Variants in LRRC37A observed in about 807,000 individuals in gnomAD.
LRRC37A encodes the protein leucine rich repeat containing 37A, also known as leucine-rich repeat-containing protein 37A.
LRRC37A carries 3 observed loss-of-function variants against 35.4 expected under a neutral mutation model. The observed-to-expected ratio is 0.08, with a 90% CI of 0.04 to 0.22. The LOEUF is 0.22. Ranked by LOEUF, LRRC37A falls within the 10% of genes least tolerant of loss-of-function variation. The pLI is 1.00. For missense variants in LRRC37A, 67 were observed against 565.3 expected, an observed-to-expected ratio of 0.12 and a Z score of 8.94; for synonymous variants, 23 against 215.0, an observed-to-expected ratio of 0.11 and a Z score of 7.81.
At chr17:46,285,322 C>T in the LRRC37A span, among the ~76,000 whole-genome samples, 3 of 151,006 alleles carry the variant, frequency 2.0e-5, no homozygotes, top group East Asian at 1.9e-4. Context: ...CTCACTGCAA[C>T]CTCTGCTTCC....
chr17:46,290,685 G>T (rs1177533913), upstream of LRRC37A, among the ~76,000 whole-genome samples: 1 of 152,220 alleles, frequency 6.6e-6, no homozygotes, highest in East Asian at 1.9e-4. Flanking sequence ...GACCTCAAGT[G>T]ATCGTTTCAC....
At chr17:46,259,440 C>A in the LRRC37A span, 2 of 1,090,064 alleles carry the variant, frequency 1.8e-6, no homozygotes, top group Non-Finnish European at 2.7e-6. Context: ...TGGGCCCATG[C>A]CCCTCCCCAC....
At chr17:46,256,525 T>C in the LRRC37A span, among the ~76,000 whole-genome samples, 1 of 152,190 alleles carries the variant, frequency 6.6e-6, no homozygotes, top group South Asian at 2.1e-4. Flanking sequence ...CACCCAATTG[T>C]GCTATCACCC....
the LRRC37A span, among the ~76,000 whole-genome samples, chr17:46,282,395 A>G: frequency 6.7e-6 from 1 of 149,622 alleles, no homozygotes; most frequent in Non-Finnish European, 1.5e-5. Context: ...GATCCACCGC[A>G]CCTGGCCTCA....
At chr17:46,251,005 C>T in the LRRC37A span, among the ~76,000 whole-genome samples, 1 of 152,206 alleles carries the variant, frequency 6.6e-6, no homozygotes, top group Non-Finnish European at 1.5e-5. Context: ...CTCACTGCTT[C>T]TCAGCCTCCT....
the LRRC37A span, among the ~76,000 whole-genome samples, chr17:46,263,854 CAAAAAAAA>C: frequency 2.1e-5 from 2 of 96,252 alleles, no homozygotes; most frequent in African/African-American, 8.4e-5. Context: ...GACTCTGTCT[CAAAAAAAA>C]AAAAAAAAAA....
the LRRC37A span, among the ~76,000 whole-genome samples, chr17:46,261,566 C>T: frequency 6.6e-6 from 1 of 152,110 alleles, no homozygotes; most frequent in Non-Finnish European, 1.5e-5. Context: ...CACGCACCAC[C>T]ACACCCAGCT....
chr17:46,290,815 A>T (rs1351804415), upstream of LRRC37A, among the ~76,000 whole-genome samples: 3 of 152,248 alleles, frequency 2.0e-5, no homozygotes, highest in Admixed American at 6.5e-5. Flanking sequence ...AGCCAAAAAC[A>T]AACAAAAAAC....
At chr17:46,268,097 G>A in the LRRC37A span, among the ~76,000 whole-genome samples, 1 of 151,992 alleles carries the variant, frequency 6.6e-6, no homozygotes, top group South Asian at 2.1e-4. Flanking sequence ...CATGTGCTCT[G>A]GGAAATCCTG....
the LRRC37A span, among the ~76,000 whole-genome samples, chr17:46,282,204 GCC>G: frequency 8.5e-6 from 1 of 117,588 alleles, no homozygotes; most frequent in Non-Finnish European, 2.2e-5. Flanking sequence ...CCGGGTTCAT[GCC>G]ATTCTCCTGC....
upstream of LRRC37A, among the ~76,000 whole-genome samples, chr17:46,291,969 C>CAAAAAAAAAAAA (rs59554870): frequency 1.4e-3 from 84 of 58,062 alleles, no homozygotes; most frequent in Non-Finnish European, 2.0e-3. Context: ...TCTCAAAAAG[C>CAAAAAAAAAAAA]AAAAAAAAAA....
the LRRC37A span, among the ~76,000 whole-genome samples, chr17:46,257,046 T>A: frequency 2.6e-5 from 4 of 152,256 alleles, no homozygotes; most frequent in Non-Finnish European, 4.4e-5. Context: ...CATCCTGTAA[T>A]TATTAGCTGT....
At chr17:46,270,920 T>A in the LRRC37A span, among the ~76,000 whole-genome samples, 1 of 152,170 alleles carries the variant, frequency 6.6e-6, no homozygotes, top group Non-Finnish European at 1.5e-5. Flanking sequence ...AAAAAGTATA[T>A]CTATATGGCT....
At chr17:46,283,843 T>TA in the LRRC37A span, among the ~76,000 whole-genome samples, 1 of 152,180 alleles carries the variant, frequency 6.6e-6, no homozygotes, top group African/African-American at 2.4e-5. Context: ...CATAGGATAA[T>TA]AGTGGAGAGA....
chr17:46,275,894 ATTTT>A, the LRRC37A span, among the ~76,000 whole-genome samples: 1 of 147,590 alleles, frequency 6.8e-6, no homozygotes, highest in African/African-American at 2.5e-5. Flanking sequence ...TTTATTCACA[ATTTT>A]TTTTTTTTTT....
At chr17:46,260,941 C>T in the LRRC37A span, among the ~76,000 whole-genome samples, 1 of 152,152 alleles carries the variant, frequency 6.6e-6, no homozygotes, top group Non-Finnish European at 1.5e-5. Flanking sequence ...CTATTATTCT[C>T]AGCGAAGTAA....
chr17:46,267,604 T>C, the LRRC37A span: 249,945 of 1,568,472 alleles, frequency 0.16, 4 homozygotes, highest in Non-Finnish European at 0.19. Context: ...CTGTGGGTCG[T>C]CCAGTCTTTT....
chr17:46,254,820 A>T, the LRRC37A span, among the ~76,000 whole-genome samples: 1 of 149,620 alleles, frequency 6.7e-6, no homozygotes, highest in African/African-American at 2.5e-5. Flanking sequence ...TTGCAGACAT[A>T]AGCCACCGCG....
chr17:46,282,214 T>C, the LRRC37A span, among the ~76,000 whole-genome samples: 2 of 152,144 alleles, frequency 1.3e-5, no homozygotes, highest in Non-Finnish European at 2.9e-5. Context: ...GCCATTCTCC[T>C]GCCTCAGCCT....
Sources: allele counts gnomAD v4.1 joint callset (sites outside exome capture counted in the v4.1 genomes callset), GRCh38; gene constraint gnomAD v4.1.1; transcripts MANE v1.5; gene names NCBI Gene and HGNC (gene_info 2026-07-23, HGNC 2026-07-21).